The following CORO2B variants were observed in gnomAD, a reference collection of about 807,000 sequenced individuals.
The protein encoded by CORO2B is coronin-2B.
Under a neutral mutation model 58.8 loss-of-function variants are expected in CORO2B, and 26 were observed. The observed-to-expected ratio is 0.44, with a 90% CI of 0.32 to 0.61. CORO2B has a LOEUF of 0.61. Among genes scored for constraint, CORO2B ranks in the 20% least tolerant of loss-of-function variants. The pLI is 0.04. For missense variants in CORO2B, 460 were observed against 645.1 expected (o/e 0.71, Z 3.11); for synonymous variants, 242 against 253.8 (o/e 0.95, Z 0.44).
chr15:68,697,232 G>A (rs1892536953), intron 3 of CORO2B, among the ~76,000 whole-genome samples: 1 of 152,090 alleles, frequency 6.6e-6, no homozygotes, highest in African/African-American at 2.4e-5. Context: ...ATGGATGGAT[G>A]GATGGATGGA....
chr15:68,718,111 C>A (rs528512470), intron 8 of CORO2B, among the ~76,000 whole-genome samples: 4 of 152,324 alleles, frequency 2.6e-5, no homozygotes, highest in Non-Finnish European at 5.9e-5. Context: ...GATAGACGTT[C>A]AGCAGAGGCA....
At chr15:68,697,139 T>C (rs1310748735) in intron 3 of CORO2B, among the ~76,000 whole-genome samples, 2 of 151,454 alleles carry the variant, frequency 1.3e-5, no homozygotes, top group East Asian at 3.9e-4. Context: ...GATGGATGGA[T>C]GGATTGTTGG....
chr15:68,629,330 G>A (rs1286746297), intron 1 of CORO2B, among the ~76,000 whole-genome samples: 1 of 152,206 alleles, frequency 6.6e-6, no homozygotes, highest in African/African-American at 2.4e-5. Context: ...GTGTAAGTGG[G>A]GGCTGAAATC....
At chr15:68,639,766 T>C (rs1409417910) in intron 1 of CORO2B, among the ~76,000 whole-genome samples, 1 of 152,212 alleles carries the variant, frequency 6.6e-6, no homozygotes, top group Non-Finnish European at 1.5e-5. Context: ...AGAAAGTCCT[T>C]TCTTTTACAG....
chr15:68,625,033 A>G lies in CORO2B; in HGVS notation c.16-20127A>G, dbSNP rs1900636926. On this transcript the variant is annotated intron_variant, in intron 1 of 11. Transcript: ENST00000261861. ...GTGGTCGAAGACCACTCCTGCCCAG[A>G]GTCAAGGACACTGCAGGACAAGTGA... Among the ~76,000 whole-genome samples the G allele has an allele frequency of 2.0e-5, 3 of 152,292 alleles. No homozygotes were observed. The South Asian group carries it at 6.2e-4, about 32-fold the overall frequency.
the CORO2B span, among the ~76,000 whole-genome samples, chr15:68,539,481 C>T: frequency 3.9e-5 from 6 of 151,912 alleles, no homozygotes; most frequent in African/African-American, 9.6e-5. Flanking sequence ...CAGACAAGCC[C>T]GGGCAACATG....
chr15:68,576,173 A>AAAAGAAAGAAAGAAAG (rs1555409379), upstream of CORO2B, among the ~76,000 whole-genome samples: 27 of 103,912 alleles, frequency 2.6e-4, 1 homozygote, highest in African/African-American at 1.1e-3. Flanking sequence ...AAAAAAAAAA[A>AAAAGAAAGAAAGAAAG]AAAGAAAGAA....
the CORO2B span, among the ~76,000 whole-genome samples, chr15:68,559,053 G>GGC: frequency 6.6e-6 from 1 of 152,116 alleles, no homozygotes; most frequent in Non-Finnish European, 1.5e-5. The surrounding 1 kb of genome is among the most constrained non-coding windows in gnomAD (Gnocchi z 4.3). Flanking sequence ...CCACGCGCTA[G>GGC]GCGCCGTTCT....
chr15:68,530,232 G>T, the CORO2B span, among the ~76,000 whole-genome samples: 2 of 152,214 alleles, frequency 1.3e-5, no homozygotes, highest in Non-Finnish European at 2.9e-5. Context: ...GGCTGAGGCA[G>T]GAGAATGGTG....
chr15:68,541,371 T>C, the CORO2B span, among the ~76,000 whole-genome samples: 1 of 152,202 alleles, frequency 6.6e-6, no homozygotes, highest in South Asian at 2.1e-4. Flanking sequence ...TTTTAAGGAC[T>C]AGCATCAGAA....
the CORO2B span, among the ~76,000 whole-genome samples, chr15:68,528,977 A>G: frequency 2.6e-5 from 4 of 152,240 alleles, no homozygotes; most frequent in Non-Finnish European, 5.9e-5. Flanking sequence ...CTAAATGGCT[A>G]AAGCAAACCT....
chr15:68,707,523 C>T (rs780292194), intron 3 of CORO2B, among the ~76,000 whole-genome samples: 8 of 152,126 alleles, frequency 5.3e-5, no homozygotes, highest in Non-Finnish European at 7.3e-5. Flanking sequence ...CATCATGGAA[C>T]GGTCATACAA....
intron 1 of CORO2B, among the ~76,000 whole-genome samples, chr15:68,638,654 A>G (rs935669213): frequency 6.6e-6 from 1 of 152,206 alleles, no homozygotes; most frequent in African/African-American, 2.4e-5. Context: ...TGTATTGGAA[A>G]GAGCAGTAGA....
At chr15:68,554,127 CG>C in the CORO2B span, among the ~76,000 whole-genome samples, 1 of 152,106 alleles carries the variant, frequency 6.6e-6, no homozygotes, top group East Asian at 1.9e-4. Flanking sequence ...GTGGGCTTGT[CG>C]GGCCCTGGTA....
chr15:68,691,768 C>A lies in CORO2B; in HGVS notation c.217-3372C>A, dbSNP rs185487969. Among the ~76,000 whole-genome samples, 768 of 152,026 alleles carry A rather than the reference C, an allele frequency of 5.1e-3. 4 individuals carry two copies. The highest frequency in any genetic ancestry group is 7.5e-3 in the Non-Finnish European group (508 of 68,000). On this transcript the variant is annotated intron_variant, in intron 2 of 11. Transcript: ENST00000261861. ...CTCCTTCTTCTAAATAGGCTCCTCT[C>A]TGTTCTGAATAGGTTCCGGTGATGT...
At chr15:68,563,024 A>G in the CORO2B span, among the ~76,000 whole-genome samples, 2 of 151,872 alleles carry the variant, frequency 1.3e-5, no homozygotes, top group African/African-American at 2.4e-5. Flanking sequence ...GTAATATACT[A>G]AAATGCCTAG....
intron 2 of CORO2B, among the ~76,000 whole-genome samples, chr15:68,651,909 A>T (rs1386731770): frequency 6.6e-6 from 1 of 152,198 alleles, no homozygotes. Context: ...TCTTCTGCAG[A>T]GTAGGAAGCC....
At chr15:68,535,990 GT>G in the CORO2B span, among the ~76,000 whole-genome samples, 1 of 152,148 alleles carries the variant, frequency 6.6e-6, no homozygotes, top group Admixed American at 6.5e-5. Flanking sequence ...ATAACCTTGT[GT>G]GCTTCTGGAA....
chr15:68,585,361 A>G (rs1899524653), intron 1 of CORO2B, among the ~76,000 whole-genome samples: 1 of 152,236 alleles, frequency 6.6e-6, no homozygotes, highest in South Asian at 2.1e-4. Context: ...CATGAAGATT[A>G]ATCACCATCA....
Sources: allele counts gnomAD v4.1 joint callset (sites outside exome capture counted in the v4.1 genomes callset), GRCh38; gene constraint gnomAD v4.1.1; non-coding constraint Gnocchi (gnomAD v3.1); transcripts MANE v1.5; gene names NCBI Gene and HGNC (gene_info 2026-07-23, HGNC 2026-07-21).